NEMF: variants seen among roughly 807,000 people sequenced by gnomAD.
NEMF encodes the protein ribosome quality control complex subunit NEMF.
Under a neutral mutation model 162.2 loss-of-function variants are expected in NEMF, and 89 were observed. The observed-to-expected ratio is 0.55, with a 90% CI of 0.46 to 0.65. The LOEUF (loss-of-function observed/expected upper bound fraction) is 0.65, where lower values mean the gene tolerates loss of function less well. NEMF is among the 30% of genes least tolerant of loss of function. The pLI is 0.00. For synonymous variants in NEMF, 421 were observed against 404.5 expected (o/e 1.04, Z -0.49); for missense variants, 1,133 against 1,261.9 (o/e 0.90, Z 1.55).
intron 3 of NEMF, chr14:49,849,715 T>C (rs1221737533): frequency 6.6e-6 from 1 of 152,198 alleles, no homozygotes. Context: ...AAACTGAAAT[T>C]GTATTTGTTC....
chr14:49,832,223 C>G lies in NEMF; in HGVS notation c.790G>C (p.Val264Leu). The G allele has an allele frequency of 1.2e-6, 2 of 1,610,224 alleles. No homozygotes were observed. The highest frequency in any genetic ancestry group is 1.3e-5 in the African/African-American group (1 of 74,898). ...TATGCTTACGTCAGTATGTCTTCAA[C>G]TGGTTTATCTGCTTCCAAGCTTGGT... is the stretch of plus-strand genomic sequence containing the variant. Reference protein sequence around the residue: ...IKPSLEADKPVEDILTYEEFH... With the variant: ...IKPSLEADKPLEDILTYEEFH... The change falls in exon 9 of 33, where the codon GTT (valine) becomes CTT (leucine). Residue 264 changes from valine to leucine, a missense_variant. This residue lies in a region of NEMF where 582 missense variants were observed against 631.5 expected (regional missense o/e 0.92). Coordinates refer to ENST00000298310, the MANE Select transcript of NEMF (RefSeq NM_004713.6).
Position 49,834,355 on chromosome 14 carries a change from A to G in NEMF, c.661+8T>C. 6.4e-7 allele frequency: 1 copy of G among 1,556,050 alleles called. No individual in the cohort carries two copies. Among genetic ancestry groups the G allele is most frequent in the South Asian group, 1.1e-5 (1 of 89,638 alleles). The stretch of plus-strand genomic sequence containing the variant: ...GAAATAAATGAAAAATGTACCATGC[A>G]GACATACCTTTAGTTTCAAGTTTTT... On this transcript the variant is annotated splice_region_variant and intron_variant, in intron 7 of 32. Transcript: ENST00000298310.
In NEMF at chr14:49,785,252, T is replaced by A; in HGVS notation, c.2997A>T (p.Ile999=). ...PEDVLLFAIP[I]CAPYTTMTNY... ...TTGTCATGGTGGTGTAAGGGGCACA[T>A]ATTGGAATGGCAAACAGTAGTACAT... Residue 999 remains isoleucine, a synonymous_variant, in exon 30 of 33, where the codon ATA becomes ATT. Transcript: ENST00000298310. The A allele has an allele frequency of 6.2e-7, 1 of 1,613,924 alleles. No homozygotes were observed. The highest frequency in any genetic ancestry group is 1.1e-5 in the South Asian group (1 of 91,080).
intron 29 of NEMF, chr14:49,786,435 A>C (rs898624170): frequency 2.0e-5 from 8 of 392,522 alleles, no homozygotes; most frequent in South Asian, 1.4e-4. Context: ...TATGTGCCAT[A>C]AACTTTTCTA....
At chr14:49,816,059 T>C (rs1381717008) in intron 16 of NEMF, among the ~76,000 whole-genome samples, 1 of 152,176 alleles carries the variant, frequency 6.6e-6, no homozygotes, top group Non-Finnish European at 1.5e-5. Context: ...AGGGAGCCAT[T>C]GTGACTGGCT....
At chr14:49,789,101 G>T in intron 28 of NEMF, 45 bp downstream of exon 28, 1 of 1,511,852 alleles carries the variant, frequency 6.6e-7, no homozygotes, top group Non-Finnish European at 9.2e-7. Context: ...TCCAGGATGG[G>T]TAATCACCCT....
chr14:49,835,797 A>C (rs1040220624), intron 6 of NEMF, among the ~76,000 whole-genome samples: 2 of 152,242 alleles, frequency 1.3e-5, no homozygotes, highest in Admixed American at 1.3e-4. Flanking sequence ...AGAATGAATA[A>C]ACAAGTTTAT....
chr14:49,848,964 T>C (rs1162943030), intron 3 of NEMF, among the ~76,000 whole-genome samples: 1 of 149,182 alleles, frequency 6.7e-6, no homozygotes, highest in Non-Finnish European at 1.5e-5. Context: ...AATAAACACA[T>C]AAATTCATTA....
chr14:49,841,140 T>C (rs1278354315), intron 4 of NEMF, among the ~76,000 whole-genome samples: 3 of 131,164 alleles, frequency 2.3e-5, no homozygotes, highest in African/African-American at 9.0e-5. Context: ...GAGACTGCAG[T>C]GAGTTGAGAT....
At chr14:49,814,241 A>G (rs555001977) in intron 17 of NEMF, among the ~76,000 whole-genome samples, 191 bp from the exon 18 acceptor site, 1 of 152,104 alleles carries the variant, frequency 6.6e-6, no homozygotes, top group East Asian at 1.9e-4. Context: ...CTGGGATTAC[A>G]GGCGTGCACC....
At chr14:49,830,573 C>T (rs1594784757) in intron 11 of NEMF, among the ~76,000 whole-genome samples, 1 of 152,200 alleles carries the variant, frequency 6.6e-6, no homozygotes, top group African/African-American at 2.4e-5. Flanking sequence ...CCAGCAGAGA[C>T]AGGTTTTCAC....
At position 49,789,225 on chromosome 14, in the gene NEMF, ATGT is replaced by A; in HGVS notation, c.2813_2815del (p.Asn938del). 6.2e-7 allele frequency: 1 copy of A among 1,614,016 alleles called. No homozygotes were observed. Among genetic ancestry groups the A allele is most frequent in the African/African-American group, 1.3e-5 (1 of 75,018 alleles). ...CTCAAGGAACGGAGTTTCTTTCTTAATGTTGTCAGAGACCCTCTGTCCACCTCT... is the reference window on the plus strand; with the variant it reads ...CTCAAGGAACGGAGTTTCTTTCTTAATGTCAGAGACCCTCTGTCCACCTCT... On this transcript the variant is annotated inframe_deletion, in exon 28 of 33. Transcript: ENST00000298310.
Position 49,788,760 on chromosome 14 carries a change from C to T in NEMF, c.2895+386G>A, listed in dbSNP as rs148756895. On this transcript the variant is annotated intron_variant, in intron 28 of 32. Transcript: ENST00000298310. Reference sequence around the variant, plus strand: ...TTTTAGTAGAGACAGGGTTTCACCACGTTAGCCAGCATGGTCTCAATCTCC... The same window carrying T: ...TTTTAGTAGAGACAGGGTTTCACCATGTTAGCCAGCATGGTCTCAATCTCC... Among the ~76,000 whole-genome samples the T allele has an allele frequency of 4.8e-3, 737 of 151,976 alleles. 6 individuals are homozygous for T. The highest frequency in any genetic ancestry group is 0.028 in the South Asian group (133 of 4,806).
At chr14:49,787,072 G>A in intron 28 of NEMF, 1 of 204,892 alleles carries the variant, frequency 4.9e-6, no homozygotes, top group Non-Finnish European at 9.8e-6. Flanking sequence ...AATTTAAAAT[G>A]ACAACTAAGG....
chr14:49,795,897 G>A lies in NEMF; in HGVS notation c.2513C>T (p.Ala838Val), dbSNP rs896324434. Residue 838 changes from alanine to valine, a missense_variant, in exon 26 of 33, where the codon GCG (alanine) becomes GTG (valine). Ala to Val is a moderately conservative substitution (Grantham distance 64). Around this residue, in one of 3 missense-constraint regions of NEMF, gnomAD observed 532 missense variants for 578.6 expected, o/e 0.92. Coordinates refer to ENST00000298310, the MANE Select transcript of NEMF (RefSeq NM_004713.6). The stretch of plus-strand genomic sequence containing the variant: ...TTTTTCTTTATCCTTTCCCTCTAAC[G>A]CTTCTAAATCTCCTGAGTCACTTGG... ...KLPSDSGDLE[A>V]LEGKDKEKES... 1.7e-5 allele frequency: 27 copies of A among 1,611,626 alleles called. No homozygotes were observed. The highest frequency in any genetic ancestry group is 2.2e-5 in the East Asian group (1 of 44,860).
chr14:49,785,730 A>C (rs563677068), intron 29 of NEMF: 1 of 182,550 alleles, frequency 5.5e-6, no homozygotes, highest in African/African-American at 2.4e-5. Context: ...TCTACAAAAA[A>C]TATAAAAGTT....
At chr14:49,817,074 A>G (rs1315579116) in intron 16 of NEMF, among the ~76,000 whole-genome samples, 1 of 152,228 alleles carries the variant, frequency 6.6e-6, no homozygotes, top group African/African-American at 2.4e-5. Flanking sequence ...AAAGACTGTC[A>G]GACTGGAAAA....
At chr14:49,826,587 C>G (rs1646516376) in intron 15 of NEMF, among the ~76,000 whole-genome samples, 1 of 142,558 alleles carries the variant, frequency 7.0e-6, no homozygotes, top group Non-Finnish European at 1.5e-5. Context: ...AAGTAGTAAT[C>G]AAGGGCATAA....
At chr14:49,852,648 T>C (rs996044243) in intron 1 of NEMF, 47 bp downstream of exon 1, 2 of 1,601,824 alleles carry the variant, frequency 1.2e-6, no homozygotes, top group African/African-American at 2.7e-5. Flanking sequence ...CTCCGGCCTC[T>C]GCCTCCTGCA....
Sources: gnomAD v4.1 joint callset for allele counts (sites outside exome capture counted in the v4.1 genomes callset) on GRCh38, gnomAD v4.1.1 for gene constraint, gnomAD v4.1.1 regional missense constraint, MANE v1.5 for transcripts, NCBI Gene and HGNC (gene_info 2026-07-23, HGNC 2026-07-21) for gene names.